GALK2: variants seen among roughly 807,000 people sequenced by gnomAD.
GALK2 encodes galactokinase 2.
Under a neutral mutation model 52.4 loss-of-function variants are expected in GALK2, and 36 were observed. That is an observed-to-expected ratio of 0.69 (90% confidence interval 0.53 to 0.91). GALK2 has a LOEUF of 0.91. Ranked by LOEUF, GALK2 falls within the 40% of genes least tolerant of loss-of-function variation. The probability of loss-of-function intolerance (pLI) is 0.00; values close to 1 mark genes in which losing one functional copy is unlikely to be tolerated. For missense variants in GALK2, 579 were observed against 559.1 expected, an observed-to-expected ratio of 1.04 and a Z score of -0.36; for synonymous variants, 176 against 199.1, an observed-to-expected ratio of 0.88 and a Z score of 0.98.
chr15:49,192,367 C>T (rs914828203), intron 1 of GALK2, among the ~76,000 whole-genome samples: 4 of 151,000 alleles, frequency 2.6e-5, no homozygotes, highest in Non-Finnish European at 4.4e-5. Flanking sequence ...AGTTTCATTG[C>T]ACTTCATTTT....
chr15:49,171,717 A>T (rs1282817952), intron 1 of GALK2, among the ~76,000 whole-genome samples: 8 of 152,138 alleles, frequency 5.3e-5, no homozygotes, highest in Admixed American at 3.9e-4. Flanking sequence ...GCATGCTTCC[A>T]ATAAGATTAA....
chr15:49,316,813 C>A (rs2036459516), intron 8 of GALK2, among the ~76,000 whole-genome samples: 1 of 152,152 alleles, frequency 6.6e-6, no homozygotes, highest in African/African-American at 2.4e-5. Flanking sequence ...TGGAAAGACA[C>A]TGCCAGCTCT....
chr15:49,289,932 A>G (rs2033769012), intron 7 of GALK2, among the ~76,000 whole-genome samples: 1 of 152,234 alleles, frequency 6.6e-6, no homozygotes, highest in Non-Finnish European at 1.5e-5. Context: ...AGCATGGAAC[A>G]GAGCTCAGGA....
At chr15:49,356,296 A>C (rs1214980582) in intron 3 of GALK2, among the ~76,000 whole-genome samples, 1 of 151,706 alleles carries the variant, frequency 6.6e-6, no homozygotes, top group Non-Finnish European at 1.5e-5. Flanking sequence ...GGCAAATTGG[A>C]TAAAGAGTCA....
At chr15:49,208,300 T>C (rs775427048) in intron 2 of GALK2, among the ~76,000 whole-genome samples, 2 of 152,218 alleles carry the variant, frequency 1.3e-5, no homozygotes, top group African/African-American at 2.4e-5. Flanking sequence ...GGCTATGAAC[T>C]TTCCTCTTAG....
chr15:49,365,442 A>G, intron 3 of GALK2: 1 of 932,364 alleles, frequency 1.1e-6, no homozygotes, highest in Non-Finnish European at 1.8e-6. Context: ...AGGCCTGTAC[A>G]ATAATGTCTC....
chr15:49,354,485 G>A (rs539495497), intron 3 of GALK2, among the ~76,000 whole-genome samples: 80 of 152,298 alleles, frequency 5.3e-4, no homozygotes, highest in African/African-American at 1.5e-3. Context: ...AAGGGGTGAC[G>A]GACGGCACCT....
At chr15:49,272,115 G>C (rs537682812) in intron 5 of GALK2, among the ~76,000 whole-genome samples, 1 of 152,278 alleles carries the variant, frequency 6.6e-6, no homozygotes, top group East Asian at 1.9e-4. Flanking sequence ...GTAGCTTGGT[G>C]GACTTTTGAG....
intron 3 of GALK2, among the ~76,000 whole-genome samples, chr15:49,362,805 C>T (rs538109779): frequency 1.3e-4 from 19 of 151,996 alleles, no homozygotes; most frequent in East Asian, 7.7e-4. Context: ...TTTTGTATGT[C>T]GTGTATGGAA....
intron 3 of GALK2, among the ~76,000 whole-genome samples, chr15:49,225,587 A>G (rs895400501): frequency 6.6e-6 from 1 of 152,202 alleles, no homozygotes; most frequent in African/African-American, 2.4e-5. Context: ...GTCTTCCACA[A>G]AACTGGTCCC....
Position 49,239,868 on chromosome 15 carries a change from C to T in GALK2, c.504+501C>T, listed in dbSNP as rs533699542. ...AGGAAATATAAATTGTACAAGAGGT[C>T]AGAAAGCCTCAAGTTTATAAGTTCA... On this transcript the variant is annotated intron_variant, in intron 5 of 9. Transcript: ENST00000560031. 7.2e-5 allele frequency among the ~76,000 whole-genome samples: 11 copies of T among 152,178 alleles called. 1 individual carries two copies. The highest frequency in any genetic ancestry group is 2.7e-4 in the African/African-American group (11 of 41,448).
At chr15:49,346,037 C>A (rs1322453648) in intron 3 of GALK2, among the ~76,000 whole-genome samples, 5 of 145,892 alleles carry the variant, frequency 3.4e-5, no homozygotes, top group African/African-American at 1.3e-4. Context: ...TGCTTTTGGT[C>A]ACTTGCTTTT....
chr15:49,237,437 G>A (rs1048331594), intron 4 of GALK2, among the ~76,000 whole-genome samples: 6 of 152,014 alleles, frequency 3.9e-5, no homozygotes, highest in African/African-American at 1.4e-4. Flanking sequence ...TTTAAACATT[G>A]CATAATACGT....
chr15:49,248,926 G>A (rs2091473137), intron 5 of GALK2, among the ~76,000 whole-genome samples: 1 of 152,206 alleles, frequency 6.6e-6, no homozygotes, highest in Non-Finnish European at 1.5e-5. Flanking sequence ...AACCACTGTT[G>A]CTACAAATTA....
At chr15:49,313,787 G>A (rs2036188017) in intron 8 of GALK2, among the ~76,000 whole-genome samples, 1 of 152,160 alleles carries the variant, frequency 6.6e-6, no homozygotes, top group Non-Finnish European at 1.5e-5. Context: ...CCTCTTAGTA[G>A]AAGATGAGGT....
intron 5 of GALK2, among the ~76,000 whole-genome samples, chr15:49,269,942 A>T (rs2030164987): frequency 6.6e-6 from 1 of 152,170 alleles, no homozygotes; most frequent in African/African-American, 2.4e-5. Flanking sequence ...GCGTCCTCTT[A>T]TTCTTTCTCT....
intron 2 of GALK2, among the ~76,000 whole-genome samples, chr15:49,205,934 T>G (rs928824917): frequency 3.9e-5 from 6 of 152,218 alleles, no homozygotes; most frequent in African/African-American, 1.4e-4. Flanking sequence ...GGATCCAGTT[T>G]CATTCTCCCA....
intron 1 of GALK2, among the ~76,000 whole-genome samples, chr15:49,191,017 C>G (rs2086686702): frequency 1.3e-5 from 2 of 151,972 alleles, no homozygotes; most frequent in East Asian, 1.9e-4. Context: ...AAAGACCTTA[C>G]TTGGTGTTAT....
intron 5 of GALK2, among the ~76,000 whole-genome samples, chr15:49,244,703 A>G (rs1214172474): frequency 6.6e-6 from 1 of 152,186 alleles, no homozygotes; most frequent in Non-Finnish European, 1.5e-5. Context: ...TATATGAGAG[A>G]GGAGTTGGGT....
Sources: gnomAD v4.1 joint callset for allele counts (sites outside exome capture counted in the v4.1 genomes callset) on GRCh38, gnomAD v4.1.1 for gene constraint, MANE v1.5 for transcripts, NCBI Gene and HGNC (gene_info 2026-07-23, HGNC 2026-07-21) for gene names.